LTF: variants seen among roughly 807,000 people sequenced by gnomAD.
LTF encodes the protein epididymis luminal protein 110.
LTF carries 91 observed loss-of-function variants against 87.2 expected under a neutral mutation model. That is an observed-to-expected ratio of 1.04 (90% CI 0.88 to 1.24). The LOEUF (loss-of-function observed/expected upper bound fraction) is 1.24. Among genes scored for constraint, LTF ranks in the 50% most tolerant of loss-of-function variants. The pLI, the probability that LTF is intolerant of heterozygous loss-of-function variation, is 0.00. For synonymous variants in LTF, 378 were observed against 356.1 expected, an observed-to-expected ratio of 1.06 and a Z score of -0.69; for missense variants, 901 against 904.3, an observed-to-expected ratio of 1.00 and a Z score of 0.05.
At position 46,459,698 on chromosome 3, in the gene LTF, G is replaced by A; in HGVS notation, c.165C>T (p.Cys55=). 1 of 1,568,564 alleles carries A rather than the reference G, an allele frequency of 6.4e-7. No individual in the cohort carries two copies. Among genetic ancestry groups the A allele is most frequent in the Non-Finnish European group, 8.6e-7 (1 of 1,161,208 alleles). The part of the protein sequence containing the change: ...MRKVRGPPVS[C]IKRDSPIQCI... ...ACTGGATGGGGGAGTCTCTCTTTAT[G>A]CAGCTGACAGGAGGGCCACGCACTT... The change falls in exon 2 of 17, where the codon TGC becomes TGT. Residue 55 remains cysteine, a synonymous_variant. Transcript: ENST00000231751.
rs145382222 is a variant in LTF, at chr3:46,439,324, C to T, written c.1880G>A (p.Arg627His). ...AVVSRMDKVERLKQVLLHQQA... is the reference protein window; with the variant it reads ...AVVSRMDKVEHLKQVLLHQQA... The stretch of plus-strand genomic sequence containing the variant: ...TTGGTGGAGCAACACCTGTTTCAGG[C>T]GTTCCACCTTATCCATCCGAGACAC... Residue 627 changes from arginine to histidine, a missense_variant, in exon 15 of 17, where the codon CGC (arginine) becomes CAC (histidine). Coordinates refer to ENST00000231751, the MANE Select transcript of LTF (RefSeq NM_002343.6). 168 of 1,613,410 alleles carry T rather than the reference C, an allele frequency of 1.0e-4. No homozygotes were observed. The African/African-American group carries it at 1.7e-3, about 16-fold the overall frequency.
chr3:46,471,134 G>A (rs979249742), intron 1 of LTF, among the ~76,000 whole-genome samples: 14 of 152,124 alleles, frequency 9.2e-5, no homozygotes, highest in African/African-American at 3.1e-4. Context: ...GGAGGAGAGA[G>A]TGGCAGAGTC....
chr3:46,449,039 G>A (rs1436815481), intron 8 of LTF, 22 bp from the exon 9 acceptor site: 1 of 1,591,424 alleles, frequency 6.3e-7, no homozygotes, highest in South Asian at 1.1e-5. Context: ...AAGACCGCAG[G>A]TGGCTGGGCA....
At chr3:46,458,559 G>C (rs1402283400) in intron 2 of LTF, among the ~76,000 whole-genome samples, 1 of 152,170 alleles carries the variant, frequency 6.6e-6, no homozygotes, top group South Asian at 2.1e-4. Flanking sequence ...AGAGATGCTG[G>C]TGCTGGTTTT....
At position 46,435,808 on chromosome 3, in the gene LTF, T is replaced by C. The variant is rs146288743; in HGVS notation, c.*387A>G. ...ACGTGCACTGAGACAGCTATGTGAA[T>C]AACCAACAAGATCCCCTTAGGAAAA... On this transcript the variant is annotated 3_prime_UTR_variant, in exon 17 of 17. Coordinates refer to ENST00000231751, the MANE Select transcript of LTF (RefSeq NM_002343.6). 2.8e-4 allele frequency: 77 copies of C among 273,272 alleles called. No homozygotes were observed. Among genetic ancestry groups the C allele is most frequent in the African/African-American group, 1.7e-3 (75 of 44,560 alleles). 16.9% of individuals were successfully genotyped at this position (273,272 alleles called of 1,614,324 possible).
chr3:46,442,490 G>T (rs1702547144), intron 13 of LTF, among the ~76,000 whole-genome samples: 1 of 150,608 alleles, frequency 6.6e-6, no homozygotes, highest in African/African-American at 2.4e-5. Flanking sequence ...ATACCTTGCT[G>T]CAGGTCTGAA....
intron 1 of LTF, among the ~76,000 whole-genome samples, chr3:46,464,417 G>A (rs1160938103): frequency 6.6e-6 from 1 of 152,168 alleles, no homozygotes; most frequent in Non-Finnish European, 1.5e-5. Flanking sequence ...CGGTCTTGCT[G>A]GGGTCTCACA....
intron 1 of LTF, among the ~76,000 whole-genome samples, chr3:46,475,058 G>C (rs1345356422): frequency 2.0e-5 from 3 of 152,056 alleles, no homozygotes; most frequent in African/African-American, 7.2e-5. Context: ...AAAAGGGAGA[G>C]TAAAATAAAC....
Position 46,455,776 on chromosome 3 carries a change from C to A in LTF, c.499+20G>T. The stretch of plus-strand genomic sequence containing the variant: ...AGAGCCCCCTGCCTGAGGCCACTCA[C>A]TATCCCCCAGCCATCTTACCTGCCT... On this transcript the variant is annotated intron_variant, in intron 4 of 16. Coordinates refer to ENST00000231751, the MANE Select transcript of LTF (RefSeq NM_002343.6). The A allele has an allele frequency of 6.5e-7, 1 of 1,544,992 alleles. No individual in the cohort carries two copies.
chr3:46,458,187 T>C (rs1415854800), intron 2 of LTF, among the ~76,000 whole-genome samples: 1 of 152,242 alleles, frequency 6.6e-6, no homozygotes, highest in South Asian at 2.1e-4. Flanking sequence ...ATATTTTCTA[T>C]GGGCTATGAA....
chr3:46,457,774 A>G (rs955267780), intron 2 of LTF, among the ~76,000 whole-genome samples: 4 of 151,764 alleles, frequency 2.6e-5, no homozygotes, highest in African/African-American at 7.3e-5. Context: ...ATTTTTTCCA[A>G]TTTGGGTTAT....
chr3:46,446,732 T>TAATC (rs1260147246), intron 10 of LTF, among the ~76,000 whole-genome samples: 1 of 152,200 alleles, frequency 6.6e-6, no homozygotes, highest in Non-Finnish European at 1.5e-5. Flanking sequence ...AAATGATGAA[T>TAATC]AATCACAGTA....
chr3:46,440,897 T>C (rs1220251360), intron 14 of LTF, among the ~76,000 whole-genome samples: 1 of 152,138 alleles, frequency 6.6e-6, no homozygotes, highest in Non-Finnish European at 1.5e-5. Flanking sequence ...GCTGGAAGAT[T>C]ATCTTCCATC....
chr3:46,450,655 G>A lies in LTF; in HGVS notation c.722C>T (p.Ala241Val), dbSNP rs767991346. ...GAGTAACTCATACTCGTCCCTTTCA[G>A]CCTCGTCTGACAGGTCCTCTGCAGG... Reference protein sequence around the residue: ...STVFEDLSDEAERDEYELLCP... With the variant: ...STVFEDLSDEVERDEYELLCP... The change falls in exon 7 of 17, where the codon GCT becomes GTT. Residue 241 changes from alanine (A) to valine (V), a missense_variant. By Grantham distance (64) the Ala-to-Val change is moderately conservative. Coordinates refer to ENST00000231751, the MANE Select transcript of LTF (RefSeq NM_002343.6). 14 of 1,612,094 alleles carry A rather than the reference G, an allele frequency of 8.7e-6. No homozygotes were observed. Among genetic ancestry groups the A allele is most frequent in the Non-Finnish European group, 1.1e-5 (13 of 1,178,342 alleles).
chr3:46,463,193 C>T (rs536964574), intron 1 of LTF, among the ~76,000 whole-genome samples: 1 of 152,326 alleles, frequency 6.6e-6, no homozygotes, highest in South Asian at 2.1e-4. Flanking sequence ...AGATGCTGCC[C>T]ACTGGACCTG....
Position 46,459,786 on chromosome 3 carries a change from T to G in LTF, c.77A>C (p.Gln26Pro). ...CTCGGGTTGGGATACGGCGCACCAC[T>G]GAACACTCCTCCTACGGCCAGCCAG... ...LCLAGRRRSVQWCAVSQPEAT... is the reference protein window; with the variant it reads ...LCLAGRRRSVPWCAVSQPEAT... Residue 26 changes from glutamine (Q) to proline (P), a missense_variant, in exon 2 of 17, where the codon CAG becomes CCG. Physicochemically the swap from Gln to Pro is moderately conservative, Grantham distance 76. Transcript: ENST00000231751. 4.2e-6 allele frequency: 6 copies of G among 1,431,100 alleles called. No homozygotes were observed. The highest frequency in any genetic ancestry group is 5.4e-6 in the Non-Finnish European group (6 of 1,102,490). 88.7% of individuals were successfully genotyped at this position (1,431,100 alleles called of 1,614,324 possible).
At chr3:46,484,511 C>T (rs553780672) in intron 1 of LTF, among the ~76,000 whole-genome samples, 15 of 152,316 alleles carry the variant, frequency 9.8e-5, no homozygotes, top group African/African-American at 3.4e-4. Flanking sequence ...CACAACACCC[C>T]TACCCTTGCT....
chr3:46,440,579 CT>C (rs1702494181), intron 14 of LTF, among the ~76,000 whole-genome samples: 1 of 152,188 alleles, frequency 6.6e-6, no homozygotes, highest in Admixed American at 6.5e-5. Flanking sequence ...TAAGAAAGCA[CT>C]TTATTCATTC....
At position 46,446,496 on chromosome 3, in the gene LTF, G is replaced by A. The variant is rs755194467; in HGVS notation, c.1304-3C>T. The A allele has an allele frequency of 6.2e-7, 1 of 1,613,454 alleles. No homozygotes were observed. On this transcript the variant is annotated splice_polypyrimidine_tract_variant and splice_region_variant and intron_variant, in intron 10 of 16. Transcript: ENST00000231751. Reference sequence around the variant, plus strand: ...AGGGTCACTGCTTTGTTGGGATTCTGAAAGAATAAAGACAAGCCAGACATC... The same window carrying A: ...AGGGTCACTGCTTTGTTGGGATTCTAAAAGAATAAAGACAAGCCAGACATC...
Sources: allele counts gnomAD v4.1 joint callset (sites outside exome capture counted in the v4.1 genomes callset), GRCh38; gene constraint gnomAD v4.1.1; transcripts MANE v1.5; gene names NCBI Gene and HGNC (gene_info 2026-07-23, HGNC 2026-07-21).